Variants in SLCO5A1 observed in about 807,000 individuals in gnomAD.
The protein encoded by SLCO5A1 is organic anion transporter polypeptide-related protein 4.
Under a neutral mutation model 65.1 loss-of-function variants are expected in SLCO5A1, and 39 were observed. The ratio of observed to expected loss-of-function variants is 0.60; its 90% CI spans 0.46 to 0.78. The LOEUF is 0.78. SLCO5A1 is among the 30% of genes least tolerant of loss of function. The probability of loss-of-function intolerance (pLI) is 0.00; values close to 1 mark genes in which losing one functional copy is unlikely to be tolerated. For missense variants in SLCO5A1, 1,029 were observed against 1,069.4 expected (o/e 0.96, Z 0.53); for synonymous variants, 438 against 415.7 (o/e 1.05, Z -0.65).
chr8:69,780,868 C>T (rs1467085297), intron 2 of SLCO5A1, among the ~76,000 whole-genome samples: 1 of 151,522 alleles, frequency 6.6e-6, no homozygotes, highest in African/African-American at 2.4e-5. Context: ...AAAAAAATCA[C>T]ATCAGAGCGG....
chr8:69,751,695 C>T (rs1443274430), intron 4 of SLCO5A1, among the ~76,000 whole-genome samples: 1 of 152,028 alleles, frequency 6.6e-6, no homozygotes, highest in South Asian at 2.1e-4. Context: ...TACAGGTGCT[C>T]ACCACAACGC....
At chr8:69,748,774 T>C (rs1371206347) in intron 4 of SLCO5A1, among the ~76,000 whole-genome samples, 1 of 152,180 alleles carries the variant, frequency 6.6e-6, no homozygotes, top group African/African-American at 2.4e-5. Context: ...CAGTATCATC[T>C]GGGAAATTGT....
chr8:69,792,000 G>A (rs1819290979), intron 2 of SLCO5A1, among the ~76,000 whole-genome samples: 1 of 152,128 alleles, frequency 6.6e-6, no homozygotes, highest in Admixed American at 6.5e-5. Flanking sequence ...TTTTATTCTA[G>A]CATCTATTTT....
intron 2 of SLCO5A1, among the ~76,000 whole-genome samples, chr8:69,774,395 T>C (rs952722311): frequency 6.6e-6 from 1 of 152,192 alleles, no homozygotes; most frequent in African/African-American, 2.4e-5. Context: ...CACAGGCCAC[T>C]ACCATCCCAA....
intron 2 of SLCO5A1, among the ~76,000 whole-genome samples, chr8:69,817,642 G>T (rs1346330479): frequency 6.6e-6 from 1 of 152,112 alleles, no homozygotes; most frequent in African/African-American, 2.4e-5. Flanking sequence ...TCACAAATGA[G>T]GTTAAATGAG....
Position 69,672,072 on chromosome 8 carries a change from A to G in SLCO5A1, c.*797T>C, listed in dbSNP as rs751056472. 2.6e-5 allele frequency: 4 copies of G among 152,250 alleles called. No individual in the cohort carries two copies. The highest frequency in any genetic ancestry group is 4.4e-5 in the Non-Finnish European group (3 of 68,042). The allele number at this position is 152,250 out of a possible 1,614,324, so 9.4% of individuals were successfully genotyped here. ...ATTTCAAATTACAGTTTCTAGCCATATTGTTTAGCACACTAGTTTTAATGC... is the reference window on the plus strand; with the variant it reads ...ATTTCAAATTACAGTTTCTAGCCATGTTGTTTAGCACACTAGTTTTAATGC... On this transcript the variant is annotated 3_prime_UTR_variant, in exon 10 of 10. Coordinates refer to ENST00000260126, the MANE Select transcript of SLCO5A1 (RefSeq NM_030958.3).
intron 9 of SLCO5A1, among the ~76,000 whole-genome samples, chr8:69,675,539 A>C (rs1189422247): frequency 6.6e-6 from 1 of 152,174 alleles, no homozygotes; most frequent in Non-Finnish European, 1.5e-5. Flanking sequence ...ATGTTTTTTA[A>C]AAAATGATAG....
chr8:69,704,067 T>A (rs1318307668), intron 6 of SLCO5A1, among the ~76,000 whole-genome samples: 1 of 151,060 alleles, frequency 6.6e-6, no homozygotes, highest in African/African-American at 2.4e-5. Flanking sequence ...GGCTTTTTTT[T>A]ACTTTTTACT....
At chr8:69,769,375 CA>C (rs1324760888) in intron 2 of SLCO5A1, among the ~76,000 whole-genome samples, 1 of 152,110 alleles carries the variant, frequency 6.6e-6, no homozygotes, top group African/African-American at 2.4e-5. Flanking sequence ...GAATCTGCCC[CA>C]AAACCTAAAA....
At chr8:69,731,561 G>A (rs1300888666) in intron 5 of SLCO5A1, among the ~76,000 whole-genome samples, 1 of 152,182 alleles carries the variant, frequency 6.6e-6, no homozygotes, top group African/African-American at 2.4e-5. Context: ...TTAGTTGATT[G>A]ATAAAGAGAA....
chr8:69,714,209 G>T (rs1815408850), intron 5 of SLCO5A1, among the ~76,000 whole-genome samples: 1 of 146,122 alleles, frequency 6.8e-6, no homozygotes, highest in Admixed American at 6.8e-5. Context: ...TTAATTTAAG[G>T]TACCTTTTTC....
intron 5 of SLCO5A1, among the ~76,000 whole-genome samples, chr8:69,723,297 G>C (rs191799782): frequency 1.1e-4 from 16 of 152,172 alleles, no homozygotes; most frequent in Non-Finnish European, 1.5e-5. Context: ...TGTCACCGAG[G>C]CTGGAGTGCA....
At chr8:69,703,381 T>C (rs1319447006) in intron 6 of SLCO5A1, among the ~76,000 whole-genome samples, 2 of 152,108 alleles carry the variant, frequency 1.3e-5, no homozygotes, top group African/African-American at 4.8e-5. Context: ...GCAGCATTGC[T>C]TTTAACAACT....
At chr8:69,778,887 A>G (rs1818688059) in intron 2 of SLCO5A1, among the ~76,000 whole-genome samples, 1 of 152,318 alleles carries the variant, frequency 6.6e-6, no homozygotes, top group South Asian at 2.1e-4. Flanking sequence ...CCCATTTTCT[A>G]TAAGATTGAT....
At chr8:69,792,059 C>A (rs113601413) in intron 2 of SLCO5A1, among the ~76,000 whole-genome samples, 1 of 152,126 alleles carries the variant, frequency 6.6e-6, no homozygotes, top group Non-Finnish European at 1.5e-5. Context: ...CTAGCTATTA[C>A]CCATCTTCTT....
intron 5 of SLCO5A1, among the ~76,000 whole-genome samples, chr8:69,709,520 C>T (rs1237155937): frequency 6.6e-6 from 1 of 151,872 alleles, no homozygotes; most frequent in African/African-American, 2.4e-5. Context: ...TAATGTAATA[C>T]ATATTGTAAC....
chr8:69,833,768 C>T (rs1821286811), intron 1 of SLCO5A1: 1 of 152,256 alleles, frequency 6.6e-6, no homozygotes, highest in African/African-American at 2.4e-5. Flanking sequence ...GCAAAAAGGT[C>T]AACATGCTTG....
chr8:69,721,026 C>T (rs760838951), intron 5 of SLCO5A1, among the ~76,000 whole-genome samples: 1 of 152,190 alleles, frequency 6.6e-6, no homozygotes, highest in African/African-American at 2.4e-5. Context: ...TGACTTATGG[C>T]TGCTTGGAAT....
chr8:69,793,091 C>T lies in SLCO5A1; in HGVS notation c.908-31216G>A, dbSNP rs142724438. 6.4e-3 allele frequency among the ~76,000 whole-genome samples: 972 copies of T among 152,108 alleles called. 14 individuals carry two copies. The highest frequency in any genetic ancestry group is 0.021 in the African/African-American group (884 of 41,518). On this transcript the variant is annotated intron_variant, in intron 2 of 9. Coordinates refer to ENST00000260126, the MANE Select transcript of SLCO5A1 (RefSeq NM_030958.3). ...CCGCCTCCTGGGTTCAAGCGATTTT[C>T]CTGCCTCAGCCTCCCAAGTATCTGG...
Sources: gnomAD v4.1 joint callset for allele counts (sites outside exome capture counted in the v4.1 genomes callset) on GRCh38, gnomAD v4.1.1 for gene constraint, MANE v1.5 for transcripts, NCBI Gene and HGNC (gene_info 2026-07-23, HGNC 2026-07-21) for gene names.